The following CTC1 variants were observed in gnomAD, a reference collection of about 807,000 sequenced individuals.
The protein encoded by CTC1 is CST complex subunit CTC1.
CTC1 carries 91 observed loss-of-function variants against 136.3 expected under a neutral mutation model. That is an observed-to-expected ratio of 0.67 (90% CI 0.56 to 0.79). The LOEUF (loss-of-function observed/expected upper bound fraction) is 0.79. CTC1 is among the 30% of genes least tolerant of loss of function. The pLI is 0.00. For missense variants in CTC1, 1,432 were observed against 1,498.1 expected (o/e 0.96, Z 0.73); for synonymous variants, 606 against 613.8 (o/e 0.99, Z 0.19).
At position 8,231,421 on chromosome 17, in the gene CTC1, G is replaced by A. The variant is rs1354260622; in HGVS notation, c.2524C>T (p.Pro842Ser). 2 of 1,613,364 alleles carry A rather than the reference G, an allele frequency of 1.2e-6. No homozygotes were observed. The highest frequency in any genetic ancestry group is 1.3e-5 in the African/African-American group (1 of 74,930). Residue 842 changes from proline to serine, a missense_variant, in exon 15 of 23, where the codon CCT becomes TCT. Physicochemically the swap from Pro to Ser is moderately conservative, Grantham distance 74. Coordinates refer to ENST00000651323, the MANE Select transcript of CTC1 (RefSeq NM_025099.6). ...GATGCACAGCCAGCCAACTCCAGAG[G>A]ACGCCGAGATATGCAGGATGAACCA... is the stretch of plus-strand genomic sequence containing the variant. The part of the protein sequence containing the change: ...KDGSSCISRR[P>S]LELAGCASCL...
At chr17:8,240,832 C>T (rs899502970) in intron 2 of CTC1, among the ~76,000 whole-genome samples, 6 of 151,774 alleles carry the variant, frequency 4.0e-5, no homozygotes, top group Admixed American at 3.3e-4. Context: ...GCAGAGATCG[C>T]GATATTGCAC....
Position 8,225,786 on chromosome 17 carries a change from A to G in CTC1, c.*2394T>C, listed in dbSNP as rs1986582520. 6.6e-6 allele frequency: 1 copy of G among 151,894 alleles called. No individual in the cohort carries two copies. The highest frequency in any genetic ancestry group is 2.4e-5 in the African/African-American group (1 of 41,374). 9.4% of individuals were successfully genotyped at this position (151,894 alleles called of 1,614,324 possible). On this transcript the variant is annotated 3_prime_UTR_variant, in exon 23 of 23. Coordinates refer to ENST00000651323, the MANE Select transcript of CTC1 (RefSeq NM_025099.6). The stretch of plus-strand genomic sequence containing the variant: ...AGGACCGCATCTGGAAGCTGTGCCA[A>G]ATTTTAAATACTGTATATTTAAATA...
rs543241073 is a variant in CTC1 at position 8,228,777 on chromosome 17, C to T, written c.3337G>A (p.Val1113Met). The change falls in exon 21 of 23, where the codon GTG becomes ATG. Residue 1113 changes from valine (V) to methionine (M), a missense_variant. Physicochemically the swap from Val to Met is conservative, Grantham distance 21 (BLOSUM62 1). Coordinates refer to ENST00000651323, the MANE Select transcript of CTC1 (RefSeq NM_025099.6). ...AACTGCAAGACCACTCTGCCTGGCA[C>T]TTGGACGAAATCTAGGAGGGAGGCC... is the stretch of plus-strand genomic sequence containing the variant. ...EWASLLDFVQ[V>M]PGRVVLQFAG... 8.7e-6 allele frequency: 14 copies of T among 1,614,186 alleles called. No individual in the cohort carries two copies. The Admixed American group carries it at 1.8e-4, about 21-fold the overall frequency.
rs1391648072 is a variant in CTC1 at position 8,235,043 on chromosome 17, GCCT to G, written c.1439+7_1439+9del. 2 of 1,613,162 alleles carry G rather than the reference GCCT, an allele frequency of 1.2e-6. No individual in the cohort carries two copies. The highest frequency in any genetic ancestry group is 1.7e-6 in the Non-Finnish European group (2 of 1,179,388). On this transcript the variant is annotated splice_region_variant and intron_variant, in intron 8 of 22. Transcript: ENST00000651323. ...ACTGCCTCCCCGCCCTGGGCCCTCA[GCCT>G]CCTCACTTGCAGGCCAGCTCCTCCA...
Position 8,238,135 on chromosome 17 carries a change from C to A in CTC1, c.543G>T (p.Leu181=). The A allele has an allele frequency of 6.2e-7, 1 of 1,614,172 alleles. No homozygotes were observed. The highest frequency in any genetic ancestry group is 8.5e-7 in the Non-Finnish European group (1 of 1,179,990). ...WNSSGEGHLE[L]WDAPVPVFPL... is the part of the protein sequence containing the mutation. Reference sequence around the variant, plus strand: ...GAAACACTGGCACAGGGGCATCCCACAGCTCCAAGTGCCCTTCCCCTGAGG... The same window carrying A: ...GAAACACTGGCACAGGGGCATCCCAAAGCTCCAAGTGCCCTTCCCCTGAGG... Residue 181 remains leucine (L), a synonymous_variant, in exon 4 of 23, where the codon CTG becomes CTT. Transcript: ENST00000651323.
chr17:8,242,553 A>AAAT (rs1555536345), intron 2 of CTC1, among the ~76,000 whole-genome samples: 6 of 60,396 alleles, frequency 9.9e-5, no homozygotes, highest in Non-Finnish European at 2.0e-4. Context: ...AAAAAAAAAA[A>AAAT]ATATATATAT....
chr17:8,238,408 C>A lies in CTC1; in HGVS notation c.419G>T (p.Gly140Val). The A allele has an allele frequency of 6.2e-7, 1 of 1,614,002 alleles. No individual in the cohort carries two copies. Among genetic ancestry groups the A allele is most frequent in the Non-Finnish European group, 8.5e-7 (1 of 1,179,900 alleles). Residue 140 changes from glycine (G) to valine (V), a missense_variant, in exon 3 of 23, where the codon GGC (glycine) becomes GTC (valine). Gly to Val is a moderately radical substitution (Grantham distance 109, BLOSUM62 -3). Coordinates refer to ENST00000651323, the MANE Select transcript of CTC1 (RefSeq NM_025099.6). ...TCCACTCACCTCACAGCTCAGGACG[C>A]CAGTGTTATCTCTCACATAGAGGCT... is the stretch of plus-strand genomic sequence containing the variant. ...NGSLYVRDNT[G>V]VLSCELIDLD...
In CTC1 at chr17:8,243,123, T is replaced by C. The variant is rs766006579; in HGVS notation, c.59A>G (p.Gln20Arg). The change falls in exon 2 of 23, where the codon CAG (glutamine) becomes CGG (arginine). Residue 20 changes from glutamine to arginine, a missense_variant. Gln to Arg is a conservative substitution (Grantham distance 43). Coordinates refer to ENST00000651323, the MANE Select transcript of CTC1 (RefSeq NM_025099.6). ...SSEQAWLEDA[Q>R]VFIQKTLCPA... ...ACACAGGGTCTTTTGGATGAAGACC[T>C]GAGCATCCTCAAGCCAGGCTTGTTC... 1.2e-6 allele frequency: 2 copies of C among 1,613,952 alleles called. No homozygotes were observed. The highest frequency in any genetic ancestry group is 1.7e-6 in the Non-Finnish European group (2 of 1,179,898).
intron 1 of CTC1, chr17:8,247,724 C>A: frequency 2.2e-6 from 1 of 444,934 alleles, no homozygotes. Context: ...ACCCACAGCC[C>A]CATAGTTCCC....
chr17:8,229,125 A>G lies in CTC1; in HGVS notation c.3221+17T>C, dbSNP rs1474917301. Reference sequence around the variant, plus strand: ...CATAAGTAAATGGCACAATGGGTGCACGCCTTGTGCTCTCACCTGATGATG... The same window carrying G: ...CATAAGTAAATGGCACAATGGGTGCGCGCCTTGTGCTCTCACCTGATGATG... On this transcript the variant is annotated intron_variant, in intron 20 of 22. Transcript: ENST00000651323. The G allele has an allele frequency of 2.2e-5, 36 of 1,613,002 alleles. No homozygotes were observed. The highest frequency in any genetic ancestry group is 3.0e-5 in the Non-Finnish European group (35 of 1,179,778).
chr17:8,231,011 C>T, intron 15 of CTC1: 1 of 498,342 alleles, frequency 2.0e-6, no homozygotes, highest in Non-Finnish European at 3.5e-6. Flanking sequence ...TGGTGGCGTG[C>T]ACCCCTATAA....
intron 2 of CTC1, among the ~76,000 whole-genome samples, chr17:8,239,718 G>C (rs898779970): frequency 6.6e-6 from 1 of 151,884 alleles, no homozygotes; most frequent in Admixed American, 6.6e-5. Flanking sequence ...CACTGTGCCC[G>C]GCCCCATGAT....
intron 14 of CTC1, 103 bp from the exon 15 acceptor site, chr17:8,231,572 A>G (rs1322709008): frequency 1.6e-6 from 2 of 1,278,816 alleles, no homozygotes; most frequent in Non-Finnish European, 2.2e-6. Flanking sequence ...AGCATGGAGA[A>G]GGAAGTGTGT....
Position 8,232,040 on chromosome 17 carries a change from G to A in CTC1, c.2248C>T (p.Pro750Ser). Residue 750 changes from proline to serine, a missense_variant, in exon 13 of 23, where the codon CCA (proline) becomes TCA (serine). By Grantham distance (74) the Pro-to-Ser change is moderately conservative (BLOSUM62 -1). Transcript: ENST00000651323. ...ALMKRNFCVP[P>S]GASPEVPKPA... ...TTGGGCACCTCTGGACTTGCTCCTG[G>A]GGGGACACAAAAATTACGCTTCATG... The A allele has an allele frequency of 6.3e-7, 1 of 1,577,630 alleles. No homozygotes were observed. The highest frequency in any genetic ancestry group is 8.6e-7 in the Non-Finnish European group (1 of 1,166,508).
In CTC1 at chr17:8,230,112, G is replaced by C. The variant is rs927315065; in HGVS notation, c.2934-144C>G. On this transcript the variant is annotated intron_variant, in intron 17 of 22. Transcript: ENST00000651323. ...CATGGCTCTACCAAAGCTAGGGGAAGACTAGGAGGAGGACCAGCCTGCAAC... is the reference window on the plus strand; with the variant it reads ...CATGGCTCTACCAAAGCTAGGGGAACACTAGGAGGAGGACCAGCCTGCAAC... The C allele has an allele frequency of 8.2e-6, 8 of 980,960 alleles. No homozygotes were observed. In the Admixed American group the frequency reaches 8.6e-5, roughly 11 times the overall value. The allele number at this position is 980,960 out of a possible 1,614,324, so 60.8% of individuals were successfully genotyped here. A position where few individuals can be genotyped will look rare whatever the true frequency, so the allele number is the denominator to read the frequency against.
rs755418655 is a variant in CTC1 at position 8,226,640 on chromosome 17, G to A, written c.*1540C>T. 35 of 151,760 alleles carry A rather than the reference G, an allele frequency of 2.3e-4. No individual in the cohort carries two copies. Among genetic ancestry groups the A allele is most frequent in the African/African-American group, 4.6e-4 (19 of 41,038 alleles). 9.4% of individuals were successfully genotyped at this position (151,760 alleles called of 1,614,324 possible). ...TCGGCAGGATTCGAACCTGCGCGGG[G>A]AGACCCCAATGGATTTCTAGTCCAT... is the stretch of plus-strand genomic sequence containing the variant. On this transcript the variant is annotated 3_prime_UTR_variant, in exon 23 of 23. Coordinates refer to ENST00000651323, the MANE Select transcript of CTC1 (RefSeq NM_025099.6).
rs758988824 is a variant in CTC1, at chr17:8,228,106, T to C, written c.*74A>G. The C allele has an allele frequency of 4.3e-6, 6 of 1,397,614 alleles. No individual in the cohort carries two copies. Among genetic ancestry groups the C allele is most frequent in the East Asian group, 2.3e-5 (1 of 43,292 alleles). 86.6% of individuals were successfully genotyped at this position (1,397,614 alleles called of 1,614,324 possible). On this transcript the variant is annotated 3_prime_UTR_variant, in exon 23 of 23. Coordinates refer to ENST00000651323, the MANE Select transcript of CTC1 (RefSeq NM_025099.6). ...GTCCTTGGTTCAATCACAGAACAAGTAGGGAGAGGAGCCAGGACCTAGGCC... is the reference window on the plus strand; with the variant it reads ...GTCCTTGGTTCAATCACAGAACAAGCAGGGAGAGGAGCCAGGACCTAGGCC...
intron 1 of CTC1, among the ~76,000 whole-genome samples, chr17:8,243,770 C>G (rs899341229): frequency 2.5e-4 from 38 of 151,980 alleles, no homozygotes; most frequent in African/African-American, 8.9e-4. Context: ...TCCTTTAAAC[C>G]GTTCATAAAG....
intron 20 of CTC1, 39 bp downstream of exon 20, chr17:8,229,103 A>G: frequency 6.2e-7 from 1 of 1,601,586 alleles, no homozygotes; most frequent in Non-Finnish European, 8.5e-7. Flanking sequence ...GTGGTCTCAT[A>G]AGTAAATGGC....
Sources: gnomAD v4.1 joint callset for allele counts (sites outside exome capture counted in the v4.1 genomes callset) on GRCh38, gnomAD v4.1.1 for gene constraint, MANE v1.5 for transcripts, NCBI Gene and HGNC (gene_info 2026-07-23, HGNC 2026-07-21) for gene names.